Variants in LRIG2 observed in about 807,000 individuals in gnomAD.
LRIG2 encodes the protein leucine-rich repeats and immunoglobulin-like domains protein 2.
Under a neutral mutation model 107.8 loss-of-function variants are expected in LRIG2, and 93 were observed. That is an observed-to-expected ratio of 0.86 (90% CI 0.73 to 1.03). The LOEUF (loss-of-function observed/expected upper bound fraction) is 1.03, where lower values mean the gene tolerates loss of function less well. Ranked by LOEUF, LRIG2 falls within the 50% of genes least tolerant of loss-of-function variation. The pLI is 0.00. For synonymous variants in LRIG2, 471 were observed against 470.6 expected, an observed-to-expected ratio of 1.00 and a Z score of -0.01; for missense variants, 1,226 against 1,296.0, an observed-to-expected ratio of 0.95 and a Z score of 0.83.
chr1:113,083,997 T>TATAATA (rs55895711), intron 1 of LRIG2, among the ~76,000 whole-genome samples: 1,383 of 125,670 alleles, frequency 0.011, 16 homozygotes, highest in African/African-American at 0.027. Context: ...GAACTTAAAG[T>TATAATA]ATAATAATAA....
intron 14 of LRIG2, among the ~76,000 whole-genome samples, chr1:113,113,276 C>T (rs1654850313): frequency 6.9e-6 from 1 of 145,960 alleles, no homozygotes; most frequent in Non-Finnish European, 1.5e-5. Context: ...GTGTGTTCTT[C>T]TTAACCCTAT....
chr1:113,123,727 TTGTGTGTGTGTGTGTG>T (rs66524955), intron 17 of LRIG2, 132 bp from the exon 18 acceptor site: 13 of 597,096 alleles, frequency 2.2e-5, no homozygotes, highest in Non-Finnish European at 3.2e-5. Context: ...GTGGTGGTTT[TTGTGTGTGTGTGTGTG>T]TGTGTGTGTG....
chr1:113,085,226 CAG>C (rs1444687700), intron 1 of LRIG2, among the ~76,000 whole-genome samples: 1 of 152,178 alleles, frequency 6.6e-6, no homozygotes, highest in Non-Finnish European at 1.5e-5. Flanking sequence ...AAACCATTAA[CAG>C]AGGAACAGTA....
At chr1:113,109,794 C>T (rs936449400) in intron 12 of LRIG2, among the ~76,000 whole-genome samples, 2 of 152,188 alleles carry the variant, frequency 1.3e-5, no homozygotes, top group East Asian at 1.9e-4. Flanking sequence ...GCTAGGATTA[C>T]AGGTGTGAGC....
chr1:113,120,402 C>T (rs1317320357), intron 17 of LRIG2, among the ~76,000 whole-genome samples: 3 of 151,648 alleles, frequency 2.0e-5, no homozygotes, highest in Non-Finnish European at 2.9e-5. Context: ...GAGCTGAGAT[C>T]GTGCCACTGC....
At chr1:113,089,779 G>A (rs980716811) in intron 1 of LRIG2, among the ~76,000 whole-genome samples, 2 of 133,334 alleles carry the variant, frequency 1.5e-5, no homozygotes, top group Non-Finnish European at 3.1e-5. Context: ...TACAACCTCC[G>A]CCTCAAGGGT....
At chr1:113,103,975 C>G (rs1262427716) in intron 11 of LRIG2, among the ~76,000 whole-genome samples, 2 of 152,174 alleles carry the variant, frequency 1.3e-5, no homozygotes, top group Non-Finnish European at 2.9e-5. Flanking sequence ...TCTGTTGTCT[C>G]TAATGGATCC....
chr1:113,108,412 C>T (rs1029556464), intron 12 of LRIG2, among the ~76,000 whole-genome samples: 13 of 150,822 alleles, frequency 8.6e-5, no homozygotes, highest in South Asian at 2.1e-4. Context: ...TTAGTAGAGA[C>T]GGGGTTTTGC....
At position 113,110,333 on chromosome 1, in the gene LRIG2, C is replaced by T; in HGVS notation, c.1569C>T (p.Ser523=). 1.2e-6 allele frequency: 2 copies of T among 1,614,028 alleles called. No individual in the cohort carries two copies. Among genetic ancestry groups the T allele is most frequent in the Non-Finnish European group, 8.5e-7 (1 of 1,179,916 alleles). Residue 523 remains serine (S), a synonymous_variant, in exon 13 of 18, where the codon AGC becomes AGT. Coordinates refer to ENST00000361127, the MANE Select transcript of LRIG2 (RefSeq NM_014813.3). ...MNVTLTCTAV[S]SSDSPMSTVW... ...TGACTCTGACGTGCACTGCAGTGAG[C>T]AGCAGTGATTCACCCATGTCCACTG...
chr1:113,125,279 C>T lies in LRIG2; in HGVS notation c.*1178C>T, dbSNP rs572342628. Reference sequence around the variant, plus strand: ...TAAACACAGTCTTGGTGTAATTAACCGCCTTCTTCATGCCTAGAGGTTCAT... The same window carrying T: ...TAAACACAGTCTTGGTGTAATTAACTGCCTTCTTCATGCCTAGAGGTTCAT... On this transcript the variant is annotated 3_prime_UTR_variant, in exon 18 of 18. Coordinates refer to ENST00000361127, the MANE Select transcript of LRIG2 (RefSeq NM_014813.3). 1.3e-4 allele frequency: 20 copies of T among 152,262 alleles called. No homozygotes were observed. The highest frequency in any genetic ancestry group is 4.3e-4 in the African/African-American group (18 of 41,558). 9.4% of individuals were successfully genotyped at this position (152,262 alleles called of 1,614,324 possible). A position where few individuals can be genotyped will look rare whatever the true frequency, so the allele number is the denominator to read the frequency against.
rs926084551 is a variant in LRIG2 at position 113,094,013 on chromosome 1, G to GT, written c.516-317dup. ...GTAATTTTGAGATTCAATTTTGTTT[G>GT]TTTTTTTTTGAACCAAGCTTTCTAA... On this transcript the variant is annotated intron_variant, in intron 4 of 17. Transcript: ENST00000361127. Among the ~76,000 whole-genome samples the GT allele has an allele frequency of 4.0e-4, 60 of 150,784 alleles. 2 individuals are homozygous for GT. Among genetic ancestry groups the GT allele is most frequent in the Admixed American group, 3.4e-3 (52 of 15,082 alleles).
chr1:113,114,895 A>T lies in LRIG2; in HGVS notation c.2530+19A>T, dbSNP rs761028946. 6.4e-7 allele frequency: 1 copy of T among 1,563,368 alleles called. No individual in the cohort carries two copies. Among genetic ancestry groups the T allele is most frequent in the Non-Finnish European group, 8.7e-7 (1 of 1,149,712 alleles). ...AACACAGGTAAGTAGTACCCACATGACACCTATGGCTTGTACTTCAGTCAA... is the reference window on the plus strand; with the variant it reads ...AACACAGGTAAGTAGTACCCACATGTCACCTATGGCTTGTACTTCAGTCAA... On this transcript the variant is annotated intron_variant, in intron 15 of 17. Coordinates refer to ENST00000361127, the MANE Select transcript of LRIG2 (RefSeq NM_014813.3).
chr1:113,076,651 T>G (rs192601099), intron 1 of LRIG2, among the ~76,000 whole-genome samples: 33 of 152,340 alleles, frequency 2.2e-4, no homozygotes, highest in Non-Finnish European at 1.5e-4. Flanking sequence ...ACATTTGGGT[T>G]TCTTTATGTA....
In LRIG2 at chr1:113,115,949, C is replaced by T. The variant is rs562380408; in HGVS notation, c.2531-338C>T. ...GATTGAGATCAGTCTCTTTTTTTCC[C>T]TTGAATATCAAACTGGATCATTGAG... On this transcript the variant is annotated intron_variant, in intron 15 of 17. Transcript: ENST00000361127. Among the ~76,000 whole-genome samples the T allele has an allele frequency of 5.9e-5, 9 of 152,194 alleles. No individual in the cohort carries two copies. The South Asian group carries it at 1.9e-3, about 32-fold the overall frequency.
chr1:113,119,576 C>A, intron 17 of LRIG2, 53 bp downstream of exon 17: 1 of 1,541,726 alleles, frequency 6.5e-7, no homozygotes, highest in Non-Finnish European at 8.8e-7. Context: ...CTAATTGACT[C>A]TTCCTTCTAT....
intron 11 of LRIG2, among the ~76,000 whole-genome samples, chr1:113,105,760 G>A (rs909082598): frequency 5.9e-5 from 9 of 152,176 alleles, no homozygotes; most frequent in African/African-American, 1.9e-4. Context: ...ACACAGTTGC[G>A]TTAAAGTTCC....
Position 113,129,119 on chromosome 1 carries a change from T to C in LRIG2, c.*5018T>C, listed in dbSNP as rs1401688762. ...ATGGATCAAGAGATCGAGACCATCC[T>C]GGCCAACATGGTGAAATTCCACCTC... On this transcript the variant is annotated 3_prime_UTR_variant, in exon 18 of 18. Transcript: ENST00000361127. 6.6e-6 allele frequency: 1 copy of C among 152,138 alleles called. No individual in the cohort carries two copies. Among genetic ancestry groups the C allele is most frequent in the Non-Finnish European group, 1.5e-5 (1 of 68,110 alleles). The allele number at this position is 152,138 out of a possible 1,614,324, so 9.4% of individuals were successfully genotyped here. A position where few individuals can be genotyped will look rare whatever the true frequency, so the allele number is the denominator to read the frequency against.
chr1:113,122,216 G>C (rs532307669), intron 17 of LRIG2, among the ~76,000 whole-genome samples: 1 of 151,536 alleles, frequency 6.6e-6, no homozygotes, highest in Non-Finnish European at 1.5e-5. Flanking sequence ...CTGAGTAGCT[G>C]GGATTACAGG....
At chr1:113,097,272 A>C (rs1020515516) in intron 8 of LRIG2, among the ~76,000 whole-genome samples, 1 of 152,124 alleles carries the variant, frequency 6.6e-6, no homozygotes, top group Non-Finnish European at 1.5e-5. Context: ...GAGCAGAATA[A>C]AAGAAAACAA....
Sources: allele counts gnomAD v4.1 joint callset (sites outside exome capture counted in the v4.1 genomes callset), GRCh38; gene constraint gnomAD v4.1.1; transcripts MANE v1.5; gene names NCBI Gene and HGNC (gene_info 2026-07-23, HGNC 2026-07-21).